The following LARP4B variants were observed in gnomAD, a reference collection of about 807,000 sequenced individuals.
LARP4B encodes the protein La ribonucleoprotein 4B.
LARP4B carries 12 observed loss-of-function variants against 89.8 expected under a neutral mutation model. That is an observed-to-expected ratio of 0.13 (90% confidence interval 0.09 to 0.22). The LOEUF is 0.22. Among genes scored for constraint, LARP4B ranks in the 10% least tolerant of loss-of-function variants. The pLI is 1.00. For synonymous variants in LARP4B, 367 were observed against 363.3 expected (o/e 1.01, Z -0.12); for missense variants, 757 against 947.7 (o/e 0.80, Z 2.64).
At chr10:985,318 ATAAT>A in the LARP4B span, 2 of 152,270 alleles carry the variant, frequency 1.3e-5, no homozygotes, top group Non-Finnish European at 2.9e-5. Flanking sequence ...TACATAATGC[ATAAT>A]TAATAATACA....
At chr10:921,150 G>A (rs148192488) in intron 1 of LARP4B, among the ~76,000 whole-genome samples, 4,088 of 152,066 alleles carry the variant, frequency 0.027, 76 homozygotes, top group Non-Finnish European at 0.043. Flanking sequence ...GTGCATGCCT[G>A]TAATCCCAGC....
At chr10:864,023 A>G (rs1401634682) in intron 4 of LARP4B, 100 bp downstream of exon 4, 24 of 1,565,028 alleles carry the variant, frequency 1.5e-5, no homozygotes. Flanking sequence ...ATACCATGAC[A>G]CAGTTATGAA....
At chr10:868,323 C>G (rs1056397009) in intron 3 of LARP4B, among the ~76,000 whole-genome samples, 4 of 150,316 alleles carry the variant, frequency 2.7e-5, no homozygotes, top group African/African-American at 4.9e-5. Context: ...CCATACAAGG[C>G]TCTACCTCCA....
chr10:964,317 G>A, the LARP4B span, among the ~76,000 whole-genome samples: 4 of 152,290 alleles, frequency 2.6e-5, no homozygotes, highest in South Asian at 4.1e-4. Flanking sequence ...TGCCCGCCTC[G>A]GCCTCCCAGA....
chr10:843,151 C>T (rs1833605099), intron 6 of LARP4B, 83 bp from the exon 7 acceptor site: 7 of 1,214,842 alleles, frequency 5.8e-6, no homozygotes, highest in African/African-American at 1.5e-5. Context: ...TCACAAGAGG[C>T]GTGAGTGTGG....
At chr10:912,320 G>A (rs1250522503) in intron 1 of LARP4B, among the ~76,000 whole-genome samples, 5 of 149,552 alleles carry the variant, frequency 3.3e-5, no homozygotes, top group East Asian at 2.0e-4. Flanking sequence ...AAAAAAAATC[G>A]CAAAAAAAAA....
At chr10:874,697 C>G (rs951258796) in intron 3 of LARP4B, among the ~76,000 whole-genome samples, 5 of 152,100 alleles carry the variant, frequency 3.3e-5, no homozygotes, top group Non-Finnish European at 5.9e-5. Flanking sequence ...TTTCTTTAAC[C>G]TATGAGTTAT....
the LARP4B span, chr10:988,290 C>G: frequency 1.7e-6 from 1 of 586,984 alleles, no homozygotes; most frequent in Non-Finnish European, 3.1e-6. Flanking sequence ...CCTCACACGC[C>G]CTCCGTGGCT....
At position 836,414 on chromosome 10, in the gene LARP4B, T is replaced by A; in HGVS notation, c.739A>T (p.Thr247Ser). ...IVILREISES[T>S]PVEEVEALFK... ...GAGAAATTACTTACTTCCACGGGGG[T>A]AGATTCAGATATTTCACGCAATATT... is the stretch of plus-strand genomic sequence containing the variant. Residue 247 changes from threonine (T) to serine (S), a missense_variant, in exon 8 of 18, where the codon ACC becomes TCC. Transcript: ENST00000316157. 1 of 1,603,526 alleles carries A rather than the reference T, an allele frequency of 6.2e-7. No individual in the cohort carries two copies. The highest frequency in any genetic ancestry group is 8.5e-7 in the Non-Finnish European group (1 of 1,172,054).
At chr10:980,482 T>C in the LARP4B span, among the ~76,000 whole-genome samples, 2 of 152,252 alleles carry the variant, frequency 1.3e-5, no homozygotes, top group South Asian at 4.1e-4. Context: ...ATACATCCTC[T>C]GAAATCTAGG....
chr10:937,840 C>T, the LARP4B span, among the ~76,000 whole-genome samples: 1 of 152,162 alleles, frequency 6.6e-6, no homozygotes, highest in Non-Finnish European at 1.5e-5. Flanking sequence ...AGGAAACATT[C>T]GCTGTGATTA....
intron 3 of LARP4B, 31 bp from the exon 4 acceptor site, chr10:864,301 T>G (rs1395001320): frequency 6.2e-7 from 1 of 1,611,920 alleles, no homozygotes; most frequent in Admixed American, 1.7e-5. Context: ...GACATTTGTA[T>G]CCAAATGTCA....
chr10:860,974 G>A (rs1834574708), intron 5 of LARP4B, among the ~76,000 whole-genome samples: 1 of 152,170 alleles, frequency 6.6e-6, no homozygotes, highest in Non-Finnish European at 1.5e-5. Context: ...GGCTAACACG[G>A]TGAAACCCCG....
intron 8 of LARP4B, among the ~76,000 whole-genome samples, chr10:833,324 G>C (rs543528701): frequency 6.5e-5 from 9 of 137,456 alleles, no homozygotes; most frequent in African/African-American, 2.7e-5. Context: ...TTTGTGTTGA[G>C]CTGCATACAA....
At chr10:815,956 C>A (rs12243577) in intron 15 of LARP4B, among the ~76,000 whole-genome samples, 1 of 152,206 alleles carries the variant, frequency 6.6e-6, no homozygotes, top group African/African-American at 2.4e-5. Flanking sequence ...GGGCCGGGCA[C>A]GGTGGCTCAC....
chr10:938,228 A>C, the LARP4B span, among the ~76,000 whole-genome samples: 4 of 145,864 alleles, frequency 2.7e-5, no homozygotes, highest in African/African-American at 1.0e-4. Flanking sequence ...AACCAAGGCT[A>C]AATTTCTTGA....
chr10:980,872 GC>G, the LARP4B span, among the ~76,000 whole-genome samples: 2 of 152,192 alleles, frequency 1.3e-5, no homozygotes, highest in Non-Finnish European at 2.9e-5. Flanking sequence ...TCCTTAAAAA[GC>G]TTTTTCTTTC....
At chr10:824,677 C>A (rs532750916) in intron 13 of LARP4B, among the ~76,000 whole-genome samples, 1 of 152,250 alleles carries the variant, frequency 6.6e-6, no homozygotes, top group Non-Finnish European at 1.5e-5. Flanking sequence ...CCAGGCTCCA[C>A]CTGCAGTGCC....
the LARP4B span, among the ~76,000 whole-genome samples, chr10:978,936 C>A: frequency 6.6e-6 from 1 of 151,754 alleles, no homozygotes; most frequent in South Asian, 2.1e-4. Context: ...TTTCCCACCC[C>A]CCCTCCTTAA....
Sources: allele counts gnomAD v4.1 joint callset (sites outside exome capture counted in the v4.1 genomes callset), GRCh38; gene constraint gnomAD v4.1.1; transcripts MANE v1.5; gene names NCBI Gene and HGNC (gene_info 2026-07-23, HGNC 2026-07-21).